The following RXFP1 variants were observed in gnomAD, a reference collection of about 807,000 sequenced individuals.
RXFP1 encodes relaxin receptor 1.
In RXFP1, 73 loss-of-function variants were observed where a neutral mutation model predicts 89.8. The ratio of observed to expected loss-of-function variants is 0.81; its 90% confidence interval spans 0.67 to 0.99. The LOEUF is 0.99. Among genes scored for constraint, RXFP1 ranks in the 50% least tolerant of loss-of-function variants. The pLI is 0.00. For missense variants in RXFP1, 793 were observed against 895.5 expected (o/e 0.89, Z 1.46); for synonymous variants, 277 against 305.5 (o/e 0.91, Z 0.97).
At chr4:158,593,588 C>G in intron 3 of RXFP1, 89 bp downstream of exon 3, 4 of 657,360 alleles carry the variant, frequency 6.1e-6, no homozygotes, top group Non-Finnish European at 9.7e-6. Context: ...AAAAAGATTG[C>G]ATCTCAATCT....
intron 3 of RXFP1, among the ~76,000 whole-genome samples, chr4:158,598,481 A>G (rs1761055779): frequency 6.6e-6 from 1 of 152,182 alleles, no homozygotes; most frequent in South Asian, 2.1e-4. Context: ...AACGTTTCTC[A>G]TTGCTCTCAG....
At chr4:158,608,847 T>C (rs1266768948) in intron 6 of RXFP1, among the ~76,000 whole-genome samples, 1 of 152,208 alleles carries the variant, frequency 6.6e-6, no homozygotes, top group Non-Finnish European at 1.5e-5. Flanking sequence ...CTGTATTTAT[T>C]AATTGGCTAC....
At chr4:158,651,720 C>A in intron 17 of RXFP1, 37 bp from the exon 18 acceptor site, 1 of 1,515,458 alleles carries the variant, frequency 6.6e-7, no homozygotes. Context: ...TTGTAAACAT[C>A]TATAAACACT....
At chr4:158,594,394 C>T (rs1409107035) in intron 3 of RXFP1, among the ~76,000 whole-genome samples, 1 of 152,120 alleles carries the variant, frequency 6.6e-6, no homozygotes, top group Non-Finnish European at 1.5e-5. Flanking sequence ...TGGGGTGGCA[C>T]TATCATAATT....
In RXFP1 at chr4:158,638,083, A is replaced by C; in HGVS notation, c.1043+4A>C. The C allele has an allele frequency of 6.5e-7, 1 of 1,549,382 alleles. No individual in the cohort carries two copies. Among genetic ancestry groups the C allele is most frequent in the South Asian group, 1.1e-5 (1 of 88,670 alleles). On this transcript the variant is annotated splice_donor_region_variant and intron_variant, in intron 13 of 17. Coordinates refer to ENST00000307765, the MANE Select transcript of RXFP1 (RefSeq NM_021634.4). ...ATCTTGTCAAACTCAAGTCTCTGTAAGTATTCACATATGGGGATAGTTTTA... is the reference window on the plus strand; with the variant it reads ...ATCTTGTCAAACTCAAGTCTCTGTACGTATTCACATATGGGGATAGTTTTA...
At chr4:158,590,953 G>A (rs1355158286) in intron 2 of RXFP1, among the ~76,000 whole-genome samples, 1 of 152,174 alleles carries the variant, frequency 6.6e-6, no homozygotes, top group African/African-American at 2.4e-5. Flanking sequence ...AGAAGCATTT[G>A]CTTCTGTCAC....
chr4:158,568,422 A>G (rs1754266468), intron 1 of RXFP1, among the ~76,000 whole-genome samples: 2 of 152,272 alleles, frequency 1.3e-5, no homozygotes, highest in Admixed American at 6.5e-5. Flanking sequence ...AGGTATGGCC[A>G]GTTAAAACAT....
intron 1 of RXFP1, among the ~76,000 whole-genome samples, chr4:158,533,733 A>T (rs1744617631): frequency 1.3e-5 from 2 of 152,126 alleles, no homozygotes; most frequent in Non-Finnish European, 2.9e-5. Flanking sequence ...ACTCTTTCTG[A>T]TACCAATTTT....
chr4:158,568,370 T>C (rs746246796), intron 1 of RXFP1, among the ~76,000 whole-genome samples: 31 of 152,346 alleles, frequency 2.0e-4, no homozygotes, highest in Non-Finnish European at 3.8e-4. Flanking sequence ...AGAAAAGTTA[T>C]GTGGAGAAGA....
chr4:158,538,652 A>G (rs1745850153), intron 1 of RXFP1, among the ~76,000 whole-genome samples: 1 of 152,146 alleles, frequency 6.6e-6, no homozygotes, highest in Non-Finnish European at 1.5e-5. Context: ...CATTTCTGCT[A>G]AAAATACAAA....
At chr4:158,617,316 G>T in intron 9 of RXFP1, 111 bp downstream of exon 9, 1 of 701,242 alleles carries the variant, frequency 1.4e-6, no homozygotes, top group South Asian at 2.2e-5. Context: ...AAGGGTTTTA[G>T]TATCATATCA....
intron 1 of RXFP1, among the ~76,000 whole-genome samples, chr4:158,571,995 G>C (rs1755168027): frequency 6.6e-6 from 1 of 152,174 alleles, no homozygotes; most frequent in African/African-American, 2.4e-5. Flanking sequence ...ATTAGGGTGG[G>C]AGGGCCAGTC....
At chr4:158,608,124 G>T in intron 6 of RXFP1, 81 bp downstream of exon 6, 1 of 878,384 alleles carries the variant, frequency 1.1e-6, no homozygotes. Flanking sequence ...CAGCCTCCCT[G>T]TCCATGACAG....
chr4:158,573,783 T>C (rs776548540), intron 2 of RXFP1, among the ~76,000 whole-genome samples: 10 of 152,208 alleles, frequency 6.6e-5, no homozygotes, highest in African/African-American at 9.6e-5. Context: ...CCTCATTTCA[T>C]AAAAGGGCAT....
rs1376759368 is a variant in RXFP1, at chr4:158,569,244, A to G, written c.50-3454A>G. On this transcript the variant is annotated intron_variant, in intron 1 of 17. Coordinates refer to ENST00000307765, the MANE Select transcript of RXFP1 (RefSeq NM_021634.4). ...CTACCTACTGCATGATTCCAATGAC[A>G]TAACATTCTGGAAAAAGAAGAACTA... Among the ~76,000 whole-genome samples the G allele has an allele frequency of 4.0e-5, 6 of 151,416 alleles. No individual in the cohort carries two copies. The East Asian group carries it at 9.6e-4, about 24-fold the overall frequency.
In RXFP1 at chr4:158,526,952, G is replaced by C. The variant is rs549731932; in HGVS notation, c.49+4927G>C. On this transcript the variant is annotated intron_variant, in intron 1 of 17. Coordinates refer to ENST00000307765, the MANE Select transcript of RXFP1 (RefSeq NM_021634.4). ...CAACTCCTCCTCCCATGTTGCTCCA[G>C]GAACTCAAGTTCTCATTGAGTTCCT... 1.3e-3 allele frequency among the ~76,000 whole-genome samples: 204 copies of C among 152,118 alleles called. 2 individuals are homozygous for C. The highest frequency in any genetic ancestry group is 3.4e-3 in the Middle Eastern group (1 of 294).
intron 8 of RXFP1, 105 bp from the exon 9 acceptor site, chr4:158,617,026 T>C: frequency 1.4e-6 from 1 of 734,792 alleles, no homozygotes; most frequent in East Asian, 2.9e-5. Flanking sequence ...AAACAACTAA[T>C]TTAGTGGATT....
chr4:158,534,896 A>AT (rs1032827814), intron 1 of RXFP1, among the ~76,000 whole-genome samples: 2 of 55,258 alleles, frequency 3.6e-5, no homozygotes, highest in Non-Finnish European at 7.6e-5. Context: ...ATAATAAGTA[A>AT]TTTTTATTAC....
chr4:158,629,190 A>G (rs1414090810), intron 11 of RXFP1, among the ~76,000 whole-genome samples: 1 of 152,040 alleles, frequency 6.6e-6, no homozygotes, highest in Non-Finnish European at 1.5e-5. Context: ...AGCTGGGATT[A>G]CAGGTGCATC....
Sources: allele counts gnomAD v4.1 joint callset (sites outside exome capture counted in the v4.1 genomes callset), GRCh38; gene constraint gnomAD v4.1.1; transcripts MANE v1.5; gene names NCBI Gene and HGNC (gene_info 2026-07-23, HGNC 2026-07-21).